Variants in CSMD1 observed in about 807,000 individuals in gnomAD.
The protein encoded by CSMD1 is CUB and sushi domain-containing protein 1.
Under a neutral mutation model 417.5 loss-of-function variants are expected in CSMD1, and 213 were observed. The ratio of observed to expected loss-of-function variants is 0.51; its 90% CI spans 0.46 to 0.57. CSMD1 has a LOEUF of 0.57. Among genes scored for constraint, CSMD1 ranks in the 20% least tolerant of loss-of-function variants. The probability of loss-of-function intolerance (pLI) is 0.00; values close to 1 mark genes in which losing one functional copy is unlikely to be tolerated. For missense variants in CSMD1, 6,923 were observed against 4,529.7 expected (o/e 1.53, Z -15.17); for synonymous variants, 2,862 against 1,736.8 (o/e 1.65, Z -16.11).
At chr8:4,530,314 C>CTTGTTTTTTTTTTTT (rs1796739521) in intron 2 of CSMD1, among the ~76,000 whole-genome samples, 1 of 46,656 alleles carries the variant, frequency 2.1e-5, no homozygotes, top group Non-Finnish European at 3.7e-5. Flanking sequence ...ACAGGTAGTG[C>CTTGTTTTTTTTTTTT]TTTTTTTTTT....
At chr8:3,886,824 G>C (rs1163835538) in intron 5 of CSMD1, among the ~76,000 whole-genome samples, 1 of 152,114 alleles carries the variant, frequency 6.6e-6, no homozygotes, top group Admixed American at 6.6e-5. Flanking sequence ...ATAGAGATTT[G>C]AACACAGATC....
intron 3 of CSMD1, among the ~76,000 whole-genome samples, chr8:4,136,744 G>C (rs529965951): frequency 1.3e-5 from 2 of 152,270 alleles, no homozygotes; most frequent in South Asian, 2.1e-4. Flanking sequence ...CTTGAAAGGT[G>C]TGCATGTGAA....
intron 5 of CSMD1, among the ~76,000 whole-genome samples, chr8:3,923,662 T>C (rs1351431509): frequency 6.6e-6 from 1 of 152,174 alleles, no homozygotes; most frequent in Non-Finnish European, 1.5e-5. Flanking sequence ...TTCAAATATA[T>C]AATACATTCT....
At chr8:4,307,835 CTG>C (rs1157117048) in intron 3 of CSMD1, among the ~76,000 whole-genome samples, 2 of 152,160 alleles carry the variant, frequency 1.3e-5, no homozygotes, top group Non-Finnish European at 2.9e-5. Flanking sequence ...GATGATTTAA[CTG>C]TGGTGAAACT....
At chr8:3,788,929 G>C (rs2623676) in intron 5 of CSMD1, among the ~76,000 whole-genome samples, 1 of 152,222 alleles carries the variant, frequency 6.6e-6, no homozygotes, top group African/African-American at 2.4e-5. Flanking sequence ...CTATGGGTAC[G>C]TATTTCCTAG....
chr8:4,931,925 A>G (rs1807276043), intron 1 of CSMD1, among the ~76,000 whole-genome samples: 1 of 152,210 alleles, frequency 6.6e-6, no homozygotes, highest in African/African-American at 2.4e-5. Flanking sequence ...GGACATTAAG[A>G]TGCTTATGTA....
At chr8:4,767,778 C>T (rs941029139) in intron 1 of CSMD1, among the ~76,000 whole-genome samples, 3 of 152,170 alleles carry the variant, frequency 2.0e-5, no homozygotes, top group Admixed American at 6.5e-5. Flanking sequence ...TATTTGCTTA[C>T]TTAAGGGGTT....
intron 3 of CSMD1, among the ~76,000 whole-genome samples, chr8:4,356,069 A>C (rs1325266446): frequency 6.6e-6 from 1 of 152,178 alleles, no homozygotes; most frequent in East Asian, 1.9e-4. Context: ...AGCAGTGTAC[A>C]CTGCACCATA....
intron 5 of CSMD1, among the ~76,000 whole-genome samples, chr8:3,982,370 A>C (rs1813949978): frequency 6.6e-6 from 1 of 151,802 alleles, no homozygotes; most frequent in Non-Finnish European, 1.5e-5. Flanking sequence ...ATCCTTGTAC[A>C]AACCTCCATG....
intron 1 of CSMD1, among the ~76,000 whole-genome samples, chr8:4,707,743 C>A (rs866213836): frequency 6.6e-6 from 1 of 151,690 alleles, no homozygotes; most frequent in Non-Finnish European, 1.5e-5. Context: ...AAAAATTAGC[C>A]GGGCGTCGTG....
intron 1 of CSMD1, among the ~76,000 whole-genome samples, chr8:4,873,340 T>C (rs935973898): frequency 2.0e-5 from 3 of 152,052 alleles, no homozygotes; most frequent in African/African-American, 7.3e-5. Flanking sequence ...GAGATATGTG[T>C]GTTTGGTTTG....
intron 1 of CSMD1, among the ~76,000 whole-genome samples, chr8:4,933,182 C>T (rs1174237805): frequency 1.3e-5 from 2 of 151,876 alleles, no homozygotes; most frequent in African/African-American, 2.4e-5. Flanking sequence ...CCCTTCCTTT[C>T]TTCCTTGCTC....
chr8:4,262,147 A>G (rs188787290), intron 3 of CSMD1, among the ~76,000 whole-genome samples: 1 of 152,036 alleles, frequency 6.6e-6, no homozygotes, highest in Non-Finnish European at 1.5e-5. Flanking sequence ...TAATTCTGCT[A>G]TTTGTAGATT....
intron 49 of CSMD1, among the ~76,000 whole-genome samples, chr8:3,058,294 T>C (rs1812368004): frequency 6.6e-6 from 1 of 152,194 alleles, no homozygotes; most frequent in Admixed American, 6.5e-5. Context: ...ACTAGTACTT[T>C]AAAAATAAAT....
intron 1 of CSMD1, among the ~76,000 whole-genome samples, chr8:4,908,683 T>C (rs1007628973): frequency 2.0e-5 from 3 of 151,138 alleles, no homozygotes; most frequent in African/African-American, 7.3e-5. Context: ...GTATTCAGTC[T>C]AGCAATGAGT....
At chr8:3,563,424 A>T (rs1483907620) in intron 10 of CSMD1, among the ~76,000 whole-genome samples, 5 of 138,266 alleles carry the variant, frequency 3.6e-5, no homozygotes, top group Non-Finnish European at 7.8e-5. Flanking sequence ...TGCATAAAAT[A>T]GGTAACGTAT....
At chr8:3,644,370 G>A (rs933544659) in intron 7 of CSMD1, among the ~76,000 whole-genome samples, 1 of 152,154 alleles carries the variant, frequency 6.6e-6, no homozygotes, top group Non-Finnish European at 1.5e-5. Context: ...AAAATCAGCA[G>A]GTGCGAGTGA....
chr8:3,621,963 GTC>G (rs369112174), intron 7 of CSMD1, among the ~76,000 whole-genome samples: 2 of 145,904 alleles, frequency 1.4e-5, no homozygotes, highest in South Asian at 2.3e-4. Flanking sequence ...TCTGTCTTAT[GTC>G]TCTCTCTCTC....
intron 26 of CSMD1, among the ~76,000 whole-genome samples, chr8:3,277,172 G>A (rs776163757): frequency 6.6e-6 from 1 of 152,096 alleles, no homozygotes; most frequent in African/African-American, 2.4e-5. Context: ...TGGTGATTGA[G>A]GATGATGTTG....
Sources: gnomAD v4.1 joint callset for allele counts (sites outside exome capture counted in the v4.1 genomes callset) on GRCh38, gnomAD v4.1.1 for gene constraint, MANE v1.5 for transcripts, NCBI Gene and HGNC (gene_info 2026-07-23, HGNC 2026-07-21) for gene names.